Variants in LAMA4 observed in about 807,000 individuals in gnomAD.
The protein encoded by LAMA4 is laminin subunit alpha-4.
In LAMA4, 127 loss-of-function variants were observed where a neutral mutation model predicts 207.1. That is an observed-to-expected ratio of 0.61 (90% CI 0.53 to 0.71). The LOEUF (loss-of-function observed/expected upper bound fraction) is 0.71. Among genes scored for constraint, LAMA4 ranks in the 30% least tolerant of loss-of-function variants. The pLI is 0.00. For missense variants in LAMA4, 2,093 were observed against 2,246.5 expected, an observed-to-expected ratio of 0.93 and a Z score of 1.38; for synonymous variants, 761 against 816.0, an observed-to-expected ratio of 0.93 and a Z score of 1.15.
intron 30 of LAMA4, among the ~76,000 whole-genome samples, chr6:112,129,424 A>G (rs868985391): frequency 6.6e-6 from 1 of 152,126 alleles, no homozygotes; most frequent in South Asian, 2.1e-4. Flanking sequence ...TGTCTTTGTT[A>G]AGGACCTAGA....
rs577344119 is a variant in LAMA4, at chr6:112,237,181, C to G, written c.195+16775G>C. Among the ~76,000 whole-genome samples the G allele has an allele frequency of 2.0e-5, 3 of 152,206 alleles. No individual in the cohort carries two copies. In the East Asian group the frequency reaches 5.8e-4, roughly 29 times the overall value. On this transcript the variant is annotated intron_variant, in intron 2 of 38. Transcript: ENST00000230538. ...GCCAAAAATACCGTCAGACAGGGAA[C>G]AGGAAGCATAAAAATATCTCTCAGG...
chr6:112,153,071 T>TTTTGC (rs1554336073), intron 16 of LAMA4, among the ~76,000 whole-genome samples: 3 of 152,088 alleles, frequency 2.0e-5, no homozygotes, highest in Non-Finnish European at 4.4e-5. Context: ...CTGACTTGCA[T>TTTTGC]AAATACTTTT....
intron 2 of LAMA4, among the ~76,000 whole-genome samples, chr6:112,242,361 C>G (rs1216867011): frequency 6.6e-6 from 1 of 152,154 alleles, no homozygotes; most frequent in Non-Finnish European, 1.5e-5. Context: ...TGTGAACCCC[C>G]TTACTAGACT....
At chr6:112,154,738 A>T in intron 16 of LAMA4, 113 bp downstream of exon 16, 1 of 766,058 alleles carries the variant, frequency 1.3e-6, no homozygotes, top group Non-Finnish European at 2.4e-6. Context: ...CTGATATGTT[A>T]TGTAGTTATA....
chr6:112,118,486 A>C lies in LAMA4; in HGVS notation c.4822-588T>G, dbSNP rs1357354184. 1.3e-5 allele frequency among the ~76,000 whole-genome samples: 2 copies of C among 152,168 alleles called. No individual in the cohort carries two copies. Among genetic ancestry groups the C allele is most frequent in the African/African-American group, 4.8e-5 (2 of 41,444 alleles). The stretch of plus-strand genomic sequence containing the variant: ...TAATGTAAACCATCTTTTTTGCTTC[A>C]TCTACATATATTAATAGGTCTTAGA... On this transcript the variant is annotated intron_variant, in intron 34 of 38. Transcript: ENST00000230538. The surrounding 1 kb of genome is among the most constrained non-coding windows in gnomAD (Gnocchi z 4.6).
chr6:112,125,659 T>C (rs1778645873), intron 31 of LAMA4, among the ~76,000 whole-genome samples: 1 of 152,220 alleles, frequency 6.6e-6, no homozygotes, highest in African/African-American at 2.4e-5. Context: ...TGTTACCTTT[T>C]TGGAAAGCAA....
In LAMA4 at chr6:112,114,794, C is replaced by G. The variant is rs782167998; in HGVS notation, c.5113-38G>C. 21 of 1,390,706 alleles carry G rather than the reference C, an allele frequency of 1.5e-5. No individual in the cohort carries two copies. The Middle Eastern group carries it at 5.3e-4, about 35-fold the overall frequency. The allele number at this position is 1,390,706 out of a possible 1,614,324, so 86.1% of individuals were successfully genotyped here. ...GGACACATTGTATGATTTAGTTTGT[C>G]CTCATTGTGATAAAACTGAATTTCT... On this transcript the variant is annotated intron_variant, in intron 36 of 38. Coordinates refer to ENST00000230538, the MANE Select transcript of LAMA4 (RefSeq NM_001105206.3).
At chr6:112,157,004 A>G (rs950261796) in intron 14 of LAMA4, among the ~76,000 whole-genome samples, 2 of 152,140 alleles carry the variant, frequency 1.3e-5, no homozygotes, top group Admixed American at 6.5e-5. Flanking sequence ...CAGACATGAA[A>G]TAAAGGTTTT....
chr6:112,223,896 T>G (rs1554361437), intron 2 of LAMA4, among the ~76,000 whole-genome samples: 1 of 152,256 alleles, frequency 6.6e-6, no homozygotes, highest in Non-Finnish European at 1.5e-5. Context: ...TCCTGCTTCT[T>G]TAGTGAAAAC....
intron 2 of LAMA4, chr6:112,218,010 A>G (rs1784725207): frequency 6.6e-6 from 1 of 152,196 alleles, no homozygotes; most frequent in Non-Finnish European, 1.5e-5. Context: ...AGATATCCAT[A>G]TATATGTGTC....
chr6:112,201,420 T>G (rs971170191), intron 5 of LAMA4, among the ~76,000 whole-genome samples, 188 bp downstream of exon 5: 6 of 152,234 alleles, frequency 3.9e-5, no homozygotes, highest in African/African-American at 1.2e-4. Flanking sequence ...AAGCATATTG[T>G]TATTTGCTGT....
chr6:112,187,945 G>C (rs1290286424), intron 7 of LAMA4, among the ~76,000 whole-genome samples: 1 of 152,188 alleles, frequency 6.6e-6, no homozygotes, highest in African/African-American at 2.4e-5. Flanking sequence ...ATCGCTGCGA[G>C]AGTCGCTTCC....
At chr6:112,246,800 G>T (rs149125116) in intron 2 of LAMA4, among the ~76,000 whole-genome samples, 1 of 152,158 alleles carries the variant, frequency 6.6e-6, no homozygotes, top group African/African-American at 2.4e-5. Flanking sequence ...GATTACAGGC[G>T]TGAGCCACCG....
At chr6:112,167,808 C>G (rs571943214) in intron 12 of LAMA4, among the ~76,000 whole-genome samples, 1 of 151,230 alleles carries the variant, frequency 6.6e-6, no homozygotes, top group Admixed American at 6.6e-5. Flanking sequence ...TGGATGCTCA[C>G]GGTCTAGTGG....
Position 112,109,185 on chromosome 6 carries a change from G to A in LAMA4, c.*252C>T, listed in dbSNP as rs1286531097. 1.9e-6 allele frequency: 1 copy of A among 515,242 alleles called. No individual in the cohort carries two copies. Among genetic ancestry groups the A allele is most frequent in the Admixed American group, 3.2e-5 (1 of 30,822 alleles). The allele number at this position is 515,242 out of a possible 1,614,324, so 31.9% of individuals were successfully genotyped here. ...ACAGAAACAGTAATTTCACCAGTAG[G>A]AATTGCGTGTGCTCTCAATACAAGT... is the stretch of plus-strand genomic sequence containing the variant. On this transcript the variant is annotated 3_prime_UTR_variant, in exon 39 of 39. Transcript: ENST00000230538.
chr6:112,123,454 T>C (rs1235687763), intron 31 of LAMA4, among the ~76,000 whole-genome samples: 1 of 152,160 alleles, frequency 6.6e-6, no homozygotes, highest in African/African-American at 2.4e-5. Context: ...TAGGAGGGTT[T>C]TTACTGGCAG....
At chr6:112,155,794 G>A (rs1780676741) in intron 14 of LAMA4, 88 bp from the exon 15 acceptor site, 22 of 1,430,380 alleles carry the variant, frequency 1.5e-5, no homozygotes, top group Middle Eastern at 3.5e-4. Flanking sequence ...AATACTTCTA[G>A]GATCACAGAT....
chr6:112,121,530 A>G (rs1239254143), intron 32 of LAMA4, among the ~76,000 whole-genome samples: 1 of 152,248 alleles, frequency 6.6e-6, no homozygotes, highest in East Asian at 1.9e-4. Context: ...GTAATATCAG[A>G]TAACCTGGAG....
chr6:112,139,329 T>C, intron 23 of LAMA4, 38 bp from the exon 24 acceptor site: 1 of 1,609,350 alleles, frequency 6.2e-7, no homozygotes, highest in Non-Finnish European at 8.5e-7. Context: ...AACACTACAG[T>C]TTCTGTTATG....
Sources: gnomAD v4.1 joint callset for allele counts (sites outside exome capture counted in the v4.1 genomes callset) on GRCh38, gnomAD v4.1.1 for gene constraint, Gnocchi (gnomAD v3.1) non-coding constraint, MANE v1.5 for transcripts, NCBI Gene and HGNC (gene_info 2026-07-23, HGNC 2026-07-21) for gene names.